POU6F2: variants seen among roughly 807,000 people sequenced by gnomAD.
The protein encoded by POU6F2 is POU class 6 homeobox 2, also known as POU domain, class 6, transcription factor 2.
A neutral mutation model predicts 71.3 loss-of-function variants in POU6F2; 31 were observed. The ratio of observed to expected loss-of-function variants is 0.43; its 90% CI spans 0.33 to 0.59. POU6F2 has a LOEUF of 0.59. Among genes scored for constraint, POU6F2 ranks in the 20% least tolerant of loss-of-function variants. POU6F2 has a pLI of 0.04. For synonymous variants in POU6F2, 347 were observed against 355.7 expected (o/e 0.98, Z 0.27); for missense variants, 783 against 856.8 (o/e 0.91, Z 1.07).
chr7:39,421,761 A>G (rs1787855711), intron 6 of POU6F2, among the ~76,000 whole-genome samples: 1 of 152,166 alleles, frequency 6.6e-6, no homozygotes, highest in Admixed American at 6.5e-5. Flanking sequence ...GAAAAATAAT[A>G]TAAACATTTC....
intron 4 of POU6F2, among the ~76,000 whole-genome samples, chr7:39,270,672 A>G (rs1784323973): frequency 6.6e-6 from 1 of 152,096 alleles, no homozygotes; most frequent in South Asian, 2.1e-4. Flanking sequence ...GCTACAATGG[A>G]ACATTGATTT....
In POU6F2 at chr7:39,419,007, GTATATATGTA is replaced by G. The variant is rs1437591426; in HGVS notation, c.1113+12277_1113+12286del. ...TATGTGTATATATGTGTATATATGT[GTATATATGTA>G]TATATATGTGTGTATATATACATAT... On this transcript the variant is annotated intron_variant, in intron 6 of 9. Transcript: ENST00000518318. Among the ~76,000 whole-genome samples the G allele has an allele frequency of 5.5e-3, 765 of 138,776 alleles. 11 individuals are homozygous for G. The highest frequency in any genetic ancestry group is 0.018 in the African/African-American group (685 of 37,742). 91.0% of individuals were successfully genotyped at this position (138,776 alleles called of 152,430 possible). A position where few individuals can be genotyped will look rare whatever the true frequency, so the allele number is the denominator to read the frequency against.
At chr7:39,416,712 T>TA (rs1226178469) in intron 6 of POU6F2, among the ~76,000 whole-genome samples, 2 of 152,112 alleles carry the variant, frequency 1.3e-5, no homozygotes, top group Non-Finnish European at 2.9e-5. Flanking sequence ...AAATTACACT[T>TA]AAAGTCATAC....
intron 2 of POU6F2, among the ~76,000 whole-genome samples, chr7:39,110,539 T>C (rs991166122): frequency 1.3e-5 from 2 of 152,068 alleles, no homozygotes; most frequent in Non-Finnish European, 2.9e-5. Context: ...GTATTTACAC[T>C]ATGGAAATAG....
In POU6F2 at chr7:39,414,896, T is replaced by G. The variant is rs144786792; in HGVS notation, c.1113+8156T>G. ...GGAATGCACAGTGAGAAATCTAGTT[T>G]GCAGGATTCTCTCTGAAGATTGAGC... On this transcript the variant is annotated intron_variant, in intron 6 of 9. Coordinates refer to ENST00000518318, the MANE Select transcript of POU6F2 (RefSeq NM_001370959.1). 7.5e-3 allele frequency among the ~76,000 whole-genome samples: 1,137 copies of G among 152,264 alleles called. 14 individuals are homozygous for G. Among genetic ancestry groups the G allele is most frequent in the African/African-American group, 0.026 (1,060 of 41,546 alleles).
chr7:39,036,794 T>C (rs951642401), intron 1 of POU6F2, among the ~76,000 whole-genome samples: 1 of 151,950 alleles, frequency 6.6e-6, no homozygotes. Context: ...TTTGAGCCTC[T>C]TATATTTATT....
chr7:39,458,395 T>A (rs1036669562), intron 8 of POU6F2, among the ~76,000 whole-genome samples: 6 of 150,964 alleles, frequency 4.0e-5, no homozygotes, highest in Admixed American at 6.6e-5. Context: ...CTTTTTTTTT[T>A]ATGTAAACAC....
At chr7:39,023,384 C>A (rs1009255804) in intron 1 of POU6F2, among the ~76,000 whole-genome samples, 1 of 151,948 alleles carries the variant, frequency 6.6e-6, no homozygotes, top group African/African-American at 2.4e-5. Context: ...CTTTCAGTAT[C>A]TTGGCTAAGA....
intron 2 of POU6F2, among the ~76,000 whole-genome samples, chr7:39,121,660 T>C (rs1792044740): frequency 6.6e-6 from 1 of 152,224 alleles, no homozygotes; most frequent in Admixed American, 6.5e-5. Context: ...GATTAATGTG[T>C]ACCAACTTAG....
chr7:39,421,693 G>GTTGTTTGT (rs559348508), intron 6 of POU6F2, among the ~76,000 whole-genome samples: 2 of 152,018 alleles, frequency 1.3e-5, no homozygotes, highest in African/African-American at 4.8e-5. Context: ...TTTTGTTGTT[G>GTTGTTTGT]TTGTTTGTTT....
intron 4 of POU6F2, among the ~76,000 whole-genome samples, chr7:39,330,032 G>A (rs991110801): frequency 6.6e-6 from 1 of 152,092 alleles, no homozygotes; most frequent in Non-Finnish European, 1.5e-5. Flanking sequence ...CAATCCACAA[G>A]GCTTCTGAAA....
At chr7:38,981,571 T>C (rs747784333) in intron 1 of POU6F2, among the ~76,000 whole-genome samples, 1 of 152,282 alleles carries the variant, frequency 6.6e-6, no homozygotes, top group East Asian at 1.9e-4. Context: ...ATCAAGTATA[T>C]CTAAGAGTTT....
intron 4 of POU6F2, among the ~76,000 whole-genome samples, chr7:39,325,700 A>G (rs78833939): frequency 6.6e-6 from 1 of 152,162 alleles, no homozygotes; most frequent in Non-Finnish European, 1.5e-5. Flanking sequence ...GCACTGGCCC[A>G]TGTGTCTATA....
chr7:39,190,337 C>T (rs1485977246), intron 2 of POU6F2, among the ~76,000 whole-genome samples: 1 of 138,922 alleles, frequency 7.2e-6, no homozygotes, highest in African/African-American at 2.7e-5. Context: ...TACAATGCAG[C>T]TTGGGATTGA....
intron 7 of POU6F2, 117 bp downstream of exon 7, chr7:39,433,400 C>T (rs1788157805): frequency 2.7e-6 from 3 of 1,109,108 alleles, no homozygotes; most frequent in Non-Finnish European, 3.9e-6. Context: ...TGATCTCACT[C>T]ATCTGAACAT....
intron 1 of POU6F2, among the ~76,000 whole-genome samples, chr7:38,993,611 AACACACACACACAC>A (rs10553247): frequency 3.8e-5 from 5 of 130,494 alleles, no homozygotes; most frequent in African/African-American, 1.1e-4. Flanking sequence ...CAGGATTTTA[AACACACACACACAC>A]ACACACACAC....
chr7:39,256,531 C>A (rs574011206), intron 4 of POU6F2, among the ~76,000 whole-genome samples: 4 of 152,306 alleles, frequency 2.6e-5, no homozygotes, highest in African/African-American at 4.8e-5. Context: ...CCTCCAGAAC[C>A]TGTGAACAGG....
chr7:39,202,229 A>C (rs773004675), intron 2 of POU6F2, among the ~76,000 whole-genome samples: 1 of 152,182 alleles, frequency 6.6e-6, no homozygotes, highest in Non-Finnish European at 1.5e-5. Flanking sequence ...ACCAATCCTA[A>C]ACATTACAAT....
intron 4 of POU6F2, among the ~76,000 whole-genome samples, chr7:39,259,860 C>T (rs1054598486): frequency 1.3e-4 from 19 of 151,986 alleles, no homozygotes; most frequent in Admixed American, 5.9e-4. Context: ...AGAGCCCAGA[C>T]GCCCAGGGTC....
Sources: gnomAD v4.1 joint callset for allele counts (sites outside exome capture counted in the v4.1 genomes callset) on GRCh38, gnomAD v4.1.1 for gene constraint, MANE v1.5 for transcripts, NCBI Gene and HGNC (gene_info 2026-07-23, HGNC 2026-07-21) for gene names.